The following MDFIC variants were observed in gnomAD, a reference collection of about 807,000 sequenced individuals.
MDFIC encodes MyoD family inhibitor domain containing.
In MDFIC, 17 loss-of-function variants were observed where a neutral mutation model predicts 23.2. The observed-to-expected ratio is 0.73, with a 90% CI of 0.50 to 1.10. The LOEUF (loss-of-function observed/expected upper bound fraction) is 1.10. Ranked by LOEUF, MDFIC falls within the 50% of genes least tolerant of loss-of-function variation. MDFIC has a pLI of 0.00. For synonymous variants in MDFIC, 120 were observed against 115.2 expected, an observed-to-expected ratio of 1.04 and a Z score of -0.27; for missense variants, 356 against 316.6, an observed-to-expected ratio of 1.12 and a Z score of -0.95.
chr7:114,979,717 C>T lies in MDFIC; in HGVS notation c.429C>T (p.Ser143=), dbSNP rs768481260. 3.1e-6 allele frequency: 5 copies of T among 1,613,840 alleles called. No homozygotes were observed. The highest frequency in any genetic ancestry group is 2.7e-5 in the African/African-American group (2 of 74,862). Residue 143 remains serine, a synonymous_variant, in exon 4 of 5, where the codon AGC becomes AGT. Transcript: ENST00000393486. ...RKIQSSLSVN[S]DISKKSKVNA... Reference sequence around the variant, plus strand: ...TTCAGTCCAGCTTGTCTGTAAACAGCGATATCAGTAAGAAGAGCAAAGTAA... The same window carrying T: ...TTCAGTCCAGCTTGTCTGTAAACAGTGATATCAGTAAGAAGAGCAAAGTAA...
intron 4 of MDFIC, among the ~76,000 whole-genome samples, chr7:114,991,425 A>T (rs1791158285): frequency 6.6e-6 from 1 of 152,180 alleles, no homozygotes; most frequent in Non-Finnish European, 1.5e-5. Flanking sequence ...GTCCTTGCCC[A>T]TGCCTATGTC....
intron 3 of MDFIC, among the ~76,000 whole-genome samples, chr7:114,955,847 C>T (rs1792873546): frequency 6.6e-6 from 1 of 152,148 alleles, no homozygotes; most frequent in Non-Finnish European, 1.5e-5. Flanking sequence ...TAGCTTTTTA[C>T]AGTTAATGAA....
intron 3 of MDFIC, among the ~76,000 whole-genome samples, chr7:114,967,359 G>A (rs1452957849): frequency 6.6e-6 from 1 of 152,206 alleles, no homozygotes; most frequent in African/African-American, 2.4e-5. Flanking sequence ...AAGACATTAA[G>A]GGAGAATGCC....
At chr7:114,953,152 T>C (rs1205243947) in intron 3 of MDFIC, among the ~76,000 whole-genome samples, 1 of 152,212 alleles carries the variant, frequency 6.6e-6, no homozygotes, top group African/African-American at 2.4e-5. Context: ...TTTTAGCCAA[T>C]TTGTGATAGT....
chr7:115,002,986 G>A (rs1791493930), intron 4 of MDFIC, among the ~76,000 whole-genome samples: 2 of 152,208 alleles, frequency 1.3e-5, no homozygotes, highest in African/African-American at 4.8e-5. Flanking sequence ...GCTATGTGCG[G>A]TCCCTGTTCC....
chr7:114,979,270 A>G (rs1385436029), intron 3 of MDFIC, among the ~76,000 whole-genome samples: 1 of 152,120 alleles, frequency 6.6e-6, no homozygotes, highest in East Asian at 1.9e-4. Flanking sequence ...TCTATGGTCT[A>G]CTTTTTATAT....
chr7:114,977,837 G>A (rs1164139987), intron 3 of MDFIC, among the ~76,000 whole-genome samples: 3 of 148,958 alleles, frequency 2.0e-5, no homozygotes, highest in African/African-American at 4.9e-5. Flanking sequence ...ATTATATTAA[G>A]TATACTATAC....
chr7:114,948,680 A>T (rs1040329732), intron 3 of MDFIC, among the ~76,000 whole-genome samples: 3 of 151,930 alleles, frequency 2.0e-5, no homozygotes, highest in African/African-American at 7.3e-5. Context: ...AGATGTGTGT[A>T]ATCCTACTGC....
intron 3 of MDFIC, among the ~76,000 whole-genome samples, chr7:114,953,894 A>G (rs1319597486): frequency 6.6e-6 from 1 of 152,200 alleles, no homozygotes; most frequent in African/African-American, 2.4e-5. Context: ...TAAAGAAAAA[A>G]AGTTTGCACA....
intron 4 of MDFIC, among the ~76,000 whole-genome samples, chr7:115,012,681 T>C (rs980321550): frequency 6.6e-6 from 1 of 151,980 alleles, no homozygotes; most frequent in African/African-American, 2.4e-5. Flanking sequence ...AAAATATCCA[T>C]AAATAGTAGA....
intron 3 of MDFIC, among the ~76,000 whole-genome samples, chr7:114,974,443 A>G (rs982992829): frequency 2.6e-5 from 4 of 151,988 alleles, no homozygotes; most frequent in Admixed American, 6.6e-5. Context: ...TTCCCCCTCC[A>G]TATTCTACAT....
At chr7:114,996,730 C>T (rs1318382779) in intron 4 of MDFIC, among the ~76,000 whole-genome samples, 2 of 152,056 alleles carry the variant, frequency 1.3e-5, no homozygotes, top group Non-Finnish European at 2.9e-5. Flanking sequence ...TACAAATCAG[C>T]GATTATGATT....
At chr7:114,948,276 G>C (rs907432982) in intron 3 of MDFIC, among the ~76,000 whole-genome samples, 1 of 152,112 alleles carries the variant, frequency 6.6e-6, no homozygotes, top group South Asian at 2.1e-4. Context: ...TGTCAAGTTT[G>C]AAGTATGTAT....
At chr7:115,008,443 C>T (rs541142856) in intron 4 of MDFIC, among the ~76,000 whole-genome samples, 8 of 152,202 alleles carry the variant, frequency 5.3e-5, no homozygotes, top group Non-Finnish European at 7.4e-5. Context: ...ACCTCCTGAC[C>T]CATCTCACTT....
chr7:114,989,657 A>C (rs889976398), intron 4 of MDFIC, among the ~76,000 whole-genome samples: 2 of 152,204 alleles, frequency 1.3e-5, no homozygotes, highest in Non-Finnish European at 2.9e-5. Context: ...CAACCAGAGA[A>C]GTATTTACCG....
intron 4 of MDFIC, among the ~76,000 whole-genome samples, chr7:114,993,336 T>G (rs968105687): frequency 2.6e-5 from 4 of 152,188 alleles, no homozygotes; most frequent in African/African-American, 9.7e-5. Context: ...AAGAGTTTTT[T>G]GTGTCTCTAT....
intron 2 of MDFIC, among the ~76,000 whole-genome samples, chr7:114,932,639 T>A (rs1792335761): frequency 6.6e-6 from 1 of 152,180 alleles, no homozygotes; most frequent in African/African-American, 2.4e-5. Context: ...ACTGAAACTG[T>A]GGAAGTTGAT....
chr7:115,002,217 T>C (rs998115896), intron 4 of MDFIC, among the ~76,000 whole-genome samples: 1 of 152,182 alleles, frequency 6.6e-6, no homozygotes, highest in Admixed American at 6.5e-5. Flanking sequence ...TGATGAAACA[T>C]TGAACTTACT....
intron 3 of MDFIC, among the ~76,000 whole-genome samples, chr7:114,959,463 C>T (rs906688979): frequency 6.6e-6 from 1 of 152,130 alleles, no homozygotes; most frequent in Admixed American, 6.5e-5. Context: ...TGAAAGTCCT[C>T]TTGGAAGACA....
Sources: gnomAD v4.1 joint callset for allele counts (sites outside exome capture counted in the v4.1 genomes callset) on GRCh38, gnomAD v4.1.1 for gene constraint, MANE v1.5 for transcripts, NCBI Gene and HGNC (gene_info 2026-07-23, HGNC 2026-07-21) for gene names.